Variants in TMEM132C observed in about 807,000 individuals in gnomAD.
TMEM132C encodes protein phosphatase 1, regulatory subunit 152.
Under a neutral mutation model 61.4 loss-of-function variants are expected in TMEM132C, and 29 were observed. The ratio of observed to expected loss-of-function variants is 0.47; its 90% CI spans 0.35 to 0.64. The LOEUF (loss-of-function observed/expected upper bound fraction) is 0.64, where lower values mean the gene tolerates loss of function less well. Ranked by LOEUF, TMEM132C falls within the 30% of genes least tolerant of loss-of-function variation. The pLI, the probability that TMEM132C is intolerant of heterozygous loss-of-function variation, is 0.00. For missense variants in TMEM132C, 1,408 were observed against 1,476.9 expected (o/e 0.95, Z 0.76); for synonymous variants, 656 against 633.1 (o/e 1.04, Z -0.54).
chr12:128,403,315 A>G (rs1053977889), intron 1 of TMEM132C, among the ~76,000 whole-genome samples: 2 of 152,208 alleles, frequency 1.3e-5, no homozygotes, highest in African/African-American at 4.8e-5. Context: ...TCCTTGAGGC[A>G]TATGGAGAAA....
intron 1 of TMEM132C, among the ~76,000 whole-genome samples, chr12:128,409,192 G>C (rs973362126): frequency 2.0e-5 from 3 of 152,272 alleles, no homozygotes; most frequent in African/African-American, 7.2e-5. Context: ...ATAAGCTCAT[G>C]GGGGATCTTA....
intron 3 of TMEM132C, among the ~76,000 whole-genome samples, chr12:128,564,204 A>G (rs980592935): frequency 1.3e-5 from 2 of 152,204 alleles, no homozygotes; most frequent in African/African-American, 4.8e-5. Context: ...GATCTCATCT[A>G]AACTTAACTC....
At chr12:128,341,068 G>A (rs1357234240) in intron 1 of TMEM132C, among the ~76,000 whole-genome samples, 1 of 151,964 alleles carries the variant, frequency 6.6e-6, no homozygotes, top group East Asian at 1.9e-4. Context: ...AGCCTCCTGA[G>A]TAGCTGGGAT....
chr12:128,311,518 G>A (rs1210767477), intron 1 of TMEM132C, among the ~76,000 whole-genome samples: 1 of 152,160 alleles, frequency 6.6e-6, no homozygotes, highest in Non-Finnish European at 1.5e-5. Context: ...GTTGTTTAAA[G>A]GTAAAAGTCC....
chr12:128,379,116 T>C (rs1482776820), intron 1 of TMEM132C, among the ~76,000 whole-genome samples: 4 of 152,222 alleles, frequency 2.6e-5, no homozygotes, highest in Non-Finnish European at 2.9e-5. Context: ...AACAGACTGA[T>C]ACATGAGGAT....
At chr12:128,461,315 G>T (rs1337444197) in intron 2 of TMEM132C, among the ~76,000 whole-genome samples, 5 of 152,144 alleles carry the variant, frequency 3.3e-5, no homozygotes, top group East Asian at 1.9e-4. Flanking sequence ...CATTGTGGGT[G>T]GGGGAGGCCT....
intron 2 of TMEM132C, among the ~76,000 whole-genome samples, chr12:128,441,128 G>A (rs1295301195): frequency 6.6e-6 from 1 of 152,208 alleles, no homozygotes; most frequent in Non-Finnish European, 1.5e-5. Context: ...AAAAACCCAA[G>A]AGATGTCACA....
rs531271052 is a variant in TMEM132C, at chr12:128,414,922, C to T, written c.276C>T (p.Pro92=). The T allele has an allele frequency of 2.0e-4, 317 of 1,551,710 alleles. No individual in the cohort carries two copies. The highest frequency in any genetic ancestry group is 1.7e-4 in the Middle Eastern group (1 of 5,994). The part of the protein sequence containing the change: ...ESFFTYKTRQ[P]PVLNASYGPF... ...TCTTTACCTACAAAACCAGGCAGCC[C>T]CCAGTGCTCAATGCCAGCTATGGAC... Residue 92 remains proline, a synonymous_variant, in exon 2 of 9, where the codon CCC becomes CCT. Coordinates refer to ENST00000435159, the MANE Select transcript of TMEM132C (RefSeq NM_001136103.3).
intron 3 of TMEM132C, among the ~76,000 whole-genome samples, chr12:128,593,695 G>T (rs1457063399): frequency 6.6e-6 from 1 of 152,128 alleles, no homozygotes; most frequent in East Asian, 1.9e-4. Flanking sequence ...CCAGCTCAGG[G>T]CATCTGCACC....
chr12:128,276,524 A>G (rs922258712), intron 1 of TMEM132C, among the ~76,000 whole-genome samples: 2 of 152,262 alleles, frequency 1.3e-5, no homozygotes, highest in South Asian at 2.1e-4. Flanking sequence ...GTGTTAGGAT[A>G]TTCTTGACAC....
chr12:128,486,876 AACACACACACACACACACACAC>A (rs56407388), intron 2 of TMEM132C, among the ~76,000 whole-genome samples: 1 of 131,136 alleles, frequency 7.6e-6, no homozygotes, highest in Non-Finnish European at 1.7e-5. Context: ...TGTGCATGCA[AACACACACACACACACACACAC>A]ACACACACAC....
chr12:128,387,192 G>A (rs1005506838), intron 1 of TMEM132C, among the ~76,000 whole-genome samples: 3 of 151,568 alleles, frequency 2.0e-5, no homozygotes, highest in African/African-American at 7.3e-5. Context: ...GGAATGCAGT[G>A]GGTTGTGCTG....
At chr12:128,568,069 A>T (rs1186299610) in intron 3 of TMEM132C, among the ~76,000 whole-genome samples, 1 of 152,222 alleles carries the variant, frequency 6.6e-6, no homozygotes, top group Non-Finnish European at 1.5e-5. Flanking sequence ...CCTCCTCCAC[A>T]GTGCCTCGGT....
chr12:128,497,957 C>A (rs1165071835), intron 2 of TMEM132C, among the ~76,000 whole-genome samples: 2 of 152,100 alleles, frequency 1.3e-5, no homozygotes, highest in African/African-American at 4.8e-5. Context: ...TCCTATTCGG[C>A]CATCTTGGAA....
At chr12:128,555,151 CA>C (rs977102886) in intron 3 of TMEM132C, among the ~76,000 whole-genome samples, 10 of 152,082 alleles carry the variant, frequency 6.6e-5, no homozygotes, top group South Asian at 2.1e-4. Flanking sequence ...TCCAAAAAAA[CA>C]AAAAACAAAA....
chr12:128,546,058 T>C (rs531791165), intron 3 of TMEM132C, among the ~76,000 whole-genome samples: 35 of 152,122 alleles, frequency 2.3e-4, no homozygotes, highest in Admixed American at 3.9e-4. Context: ...CTTCCTTTAA[T>C]GTGTAATGAG....
intron 1 of TMEM132C, among the ~76,000 whole-genome samples, chr12:128,390,369 T>C (rs184423229): frequency 1.4e-4 from 22 of 152,298 alleles, no homozygotes; most frequent in Admixed American, 1.4e-3. Flanking sequence ...TTCCAGCTTC[T>C]AGAGGTGCCC....
intron 3 of TMEM132C, among the ~76,000 whole-genome samples, chr12:128,563,465 G>A (rs559025277): frequency 6.6e-6 from 1 of 152,294 alleles, no homozygotes; most frequent in South Asian, 2.1e-4. Flanking sequence ...CAGAAAGAGA[G>A]ACTTTAATAT....
chr12:128,402,567 C>G (rs944400778), intron 1 of TMEM132C, among the ~76,000 whole-genome samples: 22 of 152,164 alleles, frequency 1.4e-4, no homozygotes, highest in African/African-American at 5.1e-4. Context: ...CACACCGTCC[C>G]TTAGAGGAGC....
Sources: gnomAD v4.1 joint callset for allele counts (sites outside exome capture counted in the v4.1 genomes callset) on GRCh38, gnomAD v4.1.1 for gene constraint, MANE v1.5 for transcripts, NCBI Gene and HGNC (gene_info 2026-07-23, HGNC 2026-07-21) for gene names.